Variants in EPB41L5 observed in about 807,000 individuals in gnomAD.
EPB41L5 encodes the protein erythrocyte membrane protein band 4.1 like 5.
In EPB41L5, 55 loss-of-function variants were observed where a neutral mutation model predicts 106.6. The observed-to-expected ratio is 0.52, with a 90% confidence interval of 0.42 to 0.65. EPB41L5 has a LOEUF of 0.65. Ranked by LOEUF, EPB41L5 falls within the 30% of genes least tolerant of loss-of-function variation. The probability of loss-of-function intolerance (pLI) is 0.00; values close to 1 mark genes in which losing one functional copy is unlikely to be tolerated. For missense variants in EPB41L5, 871 were observed against 882.1 expected (o/e 0.99, Z 0.16); for synonymous variants, 297 against 306.7 (o/e 0.97, Z 0.33).
chr2:120,151,217 G>A (rs545948537), intron 20 of EPB41L5, among the ~76,000 whole-genome samples: 172 of 151,960 alleles, frequency 1.1e-3, no homozygotes, highest in Non-Finnish European at 1.9e-3. Context: ...GGAGAATGGC[G>A]TGAACCTGGG....
In EPB41L5 at chr2:120,176,058, C is replaced by T. The variant is rs898236318; in HGVS notation, c.*1151C>T. Reference sequence around the variant, plus strand: ...ACTTCCCCATCCCTTTGGGCCTGTACAAAGAAATTCTGGATGTTAAAATAA... The same window carrying T: ...ACTTCCCCATCCCTTTGGGCCTGTATAAAGAAATTCTGGATGTTAAAATAA... On this transcript the variant is annotated 3_prime_UTR_variant, in exon 25 of 25. Transcript: ENST00000263713. The T allele has an allele frequency of 6.6e-6, 1 of 152,506 alleles. No homozygotes were observed. The highest frequency in any genetic ancestry group is 2.4e-5 in the African/African-American group (1 of 41,384). The allele number at this position is 152,506 out of a possible 1,614,324, so 9.4% of individuals were successfully genotyped here.
chr2:120,078,750 G>A (rs1378218701), intron 10 of EPB41L5, among the ~76,000 whole-genome samples, 169 bp downstream of exon 10: 1 of 152,020 alleles, frequency 6.6e-6, no homozygotes, highest in African/African-American at 2.4e-5. Context: ...CTCTCCAGAG[G>A]CAATTATTAA....
At chr2:120,171,874 A>G (rs971883275) in intron 24 of EPB41L5, among the ~76,000 whole-genome samples, 5 of 152,208 alleles carry the variant, frequency 3.3e-5, no homozygotes, top group African/African-American at 1.2e-4. Context: ...AAACAAGGAA[A>G]TAAAGGCAAT....
intron 16 of EPB41L5, chr2:120,108,214 G>T (rs1249635141): frequency 6.6e-6 from 1 of 152,082 alleles, no homozygotes; most frequent in Non-Finnish European, 1.5e-5. Flanking sequence ...CAGCTGGCCA[G>T]CATTGTGTTT....
chr2:120,136,357 AAAAC>A (rs1050147345), intron 18 of EPB41L5, among the ~76,000 whole-genome samples: 20 of 151,872 alleles, frequency 1.3e-4, no homozygotes, highest in Admixed American at 4.6e-4. Flanking sequence ...AGAAGATCAC[AAAAC>A]AATCAGAAAA....
At chr2:120,152,838 T>G (rs1251975385) in intron 20 of EPB41L5, among the ~76,000 whole-genome samples, 2 of 152,260 alleles carry the variant, frequency 1.3e-5, no homozygotes, top group African/African-American at 4.8e-5. Context: ...TAATTTGTTT[T>G]CAGGAATGTT....
chr2:120,080,514 A>G (rs1682573970), intron 10 of EPB41L5, among the ~76,000 whole-genome samples: 2 of 152,166 alleles, frequency 1.3e-5, no homozygotes, highest in Non-Finnish European at 1.5e-5. Context: ...TCATTGATGG[A>G]CATTGGGGTT....
rs1178073208 is a variant in EPB41L5, at chr2:120,021,332, C to T, written c.180+2068C>T. Among the ~76,000 whole-genome samples the T allele has an allele frequency of 7.6e-5, 11 of 145,070 alleles. No homozygotes were observed. The East Asian group carries it at 8.3e-4, about 11-fold the overall frequency. On this transcript the variant is annotated intron_variant, in intron 2 of 24. Coordinates refer to ENST00000263713, the MANE Select transcript of EPB41L5 (RefSeq NM_020909.4). ...TCCAGTCTGGGTGACAGCAAGACTC[C>T]GTCTCAAAAAAAAAGAAAAAGGAAC...
chr2:120,126,669 A>T (rs1685472374), intron 16 of EPB41L5, among the ~76,000 whole-genome samples: 2 of 152,190 alleles, frequency 1.3e-5, no homozygotes, highest in African/African-American at 4.8e-5. Context: ...TCTTTGTGCC[A>T]GTATCAGCCT....
intron 20 of EPB41L5, among the ~76,000 whole-genome samples, chr2:120,158,611 G>A (rs566361883): frequency 6.6e-6 from 1 of 152,286 alleles, no homozygotes; most frequent in African/African-American, 2.4e-5. Context: ...AGCCATCTCT[G>A]ACAAACCCAC....
chr2:120,104,844 A>C, intron 16 of EPB41L5: 1 of 960,382 alleles, frequency 1.0e-6, no homozygotes, highest in Non-Finnish European at 1.2e-6. Flanking sequence ...GATCACATTA[A>C]TAATGTGGCT....
intron 18 of EPB41L5, among the ~76,000 whole-genome samples, chr2:120,136,861 G>A (rs774339443): frequency 2.6e-5 from 4 of 151,876 alleles, no homozygotes; most frequent in Non-Finnish European, 5.9e-5. Context: ...TCAAAAAATT[G>A]GATTTAATCA....
intron 10 of EPB41L5, among the ~76,000 whole-genome samples, chr2:120,085,957 C>T (rs145337485): frequency 5.5e-4 from 84 of 152,200 alleles, no homozygotes; most frequent in Middle Eastern, 3.4e-3. Flanking sequence ...TCCTGTAATC[C>T]CCACCAAGGC....
chr2:120,112,314 A>T (rs1220186553), intron 16 of EPB41L5, among the ~76,000 whole-genome samples: 1 of 152,212 alleles, frequency 6.6e-6, no homozygotes, highest in Non-Finnish European at 1.5e-5. Flanking sequence ...TTTCAACAGA[A>T]TGTACGCTCC....
intron 1 of EPB41L5, among the ~76,000 whole-genome samples, chr2:120,014,202 T>C (rs1677352051): frequency 1.3e-5 from 2 of 152,182 alleles, no homozygotes; most frequent in Non-Finnish European, 2.9e-5. Context: ...CATGTAAGAG[T>C]ATACATATTT....
At chr2:120,137,349 AAAG>A (rs1165993886) in intron 18 of EPB41L5, among the ~76,000 whole-genome samples, 1 of 152,068 alleles carries the variant, frequency 6.6e-6, no homozygotes, top group Admixed American at 6.6e-5. Flanking sequence ...TAGTAGAAGA[AAAG>A]AAATAATAAA....
Position 120,091,680 on chromosome 2 carries a change from T to A in EPB41L5, c.1150+19T>A. 6.4e-7 allele frequency: 1 copy of A among 1,573,424 alleles called. No individual in the cohort carries two copies. Among genetic ancestry groups the A allele is most frequent in the Admixed American group, 1.7e-5 (1 of 58,026 alleles). On this transcript the variant is annotated intron_variant, in intron 13 of 24. Transcript: ENST00000263713. ...ATGAAAGGTGAAGTGCAACCCTCTT[T>A]CAAAGGATTATTTTTCCTTGGCAAT...
At chr2:120,115,496 C>T (rs1326092402) in intron 16 of EPB41L5, among the ~76,000 whole-genome samples, 2 of 152,156 alleles carry the variant, frequency 1.3e-5, no homozygotes, top group Non-Finnish European at 2.9e-5. Flanking sequence ...CCTCCACCTC[C>T]TGCCTCAGCC....
At chr2:120,104,240 A>G (rs1330077390) in intron 16 of EPB41L5, 1 of 1,535,132 alleles carries the variant, frequency 6.5e-7, no homozygotes, top group Admixed American at 2.0e-5. Flanking sequence ...CTGAGATATG[A>G]GTGTTGAGCC....
Sources: gnomAD v4.1 joint callset for allele counts (sites outside exome capture counted in the v4.1 genomes callset) on GRCh38, gnomAD v4.1.1 for gene constraint, MANE v1.5 for transcripts, NCBI Gene and HGNC (gene_info 2026-07-23, HGNC 2026-07-21) for gene names.